The following LARP4 variants were observed in gnomAD, a reference collection of about 807,000 sequenced individuals.
The protein encoded by LARP4 is la-related protein 4.
LARP4 carries 29 observed loss-of-function variants against 92.9 expected under a neutral mutation model. The ratio of observed to expected loss-of-function variants is 0.31; its 90% confidence interval spans 0.23 to 0.43. LARP4 has a LOEUF of 0.43. Among genes scored for constraint, LARP4 ranks in the 20% least tolerant of loss-of-function variants. LARP4 has a pLI of 1.00. For synonymous variants in LARP4, 279 were observed against 284.1 expected, an observed-to-expected ratio of 0.98 and a Z score of 0.18; for missense variants, 732 against 860.0, an observed-to-expected ratio of 0.85 and a Z score of 1.86.
At chr12:50,454,289 T>C (rs527625862) in intron 9 of LARP4, 25 bp from the exon 10 acceptor site, 2 of 1,554,312 alleles carry the variant, frequency 1.3e-6, no homozygotes, top group Non-Finnish European at 1.8e-6. Flanking sequence ...CCATTAATAT[T>C]GTTTAAACAT....
At chr12:50,437,867 A>C (rs757173046) in intron 6 of LARP4, 29 bp downstream of exon 6, 2 of 1,352,836 alleles carry the variant, frequency 1.5e-6, no homozygotes, top group African/African-American at 1.4e-5. Flanking sequence ...TTAACACTAA[A>C]TGTTCTCTGT....
chr12:50,414,451 A>G (rs543757583), intron 1 of LARP4, among the ~76,000 whole-genome samples: 38 of 152,246 alleles, frequency 2.5e-4, no homozygotes, highest in Admixed American at 1.4e-3. Context: ...CTAGAGGTGC[A>G]TGTTACCATG....
At chr12:50,425,140 C>T (rs995238855) in intron 1 of LARP4, among the ~76,000 whole-genome samples, 7 of 152,072 alleles carry the variant, frequency 4.6e-5, no homozygotes, top group Non-Finnish European at 1.0e-4. Context: ...GAGCGAGACT[C>T]CGTCTCAAAA....
chr12:50,446,476 G>T (rs1273014752), intron 8 of LARP4, among the ~76,000 whole-genome samples: 1 of 132,420 alleles, frequency 7.6e-6, no homozygotes, highest in Non-Finnish European at 1.6e-5. Flanking sequence ...TATCCAGGCT[G>T]GAGTGCAGTG....
At chr12:50,474,557 C>T (rs1309909719) in intron 15 of LARP4, among the ~76,000 whole-genome samples, 1 of 152,048 alleles carries the variant, frequency 6.6e-6, no homozygotes, top group Non-Finnish European at 1.5e-5. Context: ...CTGTGTTAGC[C>T]AGGATGGTCT....
Position 50,479,892 on chromosome 12 carries a change from A to G in LARP4, c.*4028A>G, listed in dbSNP as rs1296812520. On this transcript the variant is annotated 3_prime_UTR_variant, in exon 16 of 16. Transcript: ENST00000398473. ...CCCAAAATTGGTGTGACACATGCTC[A>G]TGCATAAAATGTTAAAATGAGTACA... 2 of 152,704 alleles carry G rather than the reference A, an allele frequency of 1.3e-5. No homozygotes were observed. Among genetic ancestry groups the G allele is most frequent in the South Asian group, 2.1e-4 (1 of 4,822 alleles). 9.5% of individuals were successfully genotyped at this position (152,704 alleles called of 1,614,324 possible).
intron 10 of LARP4, among the ~76,000 whole-genome samples, chr12:50,460,882 G>A (rs1053326101): frequency 1.3e-5 from 2 of 150,408 alleles, no homozygotes; most frequent in Admixed American, 6.6e-5. Flanking sequence ...GGCAGAGCTT[G>A]CAGTGAGCTG....
intron 13 of LARP4, among the ~76,000 whole-genome samples, chr12:50,470,268 G>A (rs1365462833): frequency 6.6e-6 from 1 of 151,748 alleles, no homozygotes; most frequent in Non-Finnish European, 1.5e-5. Context: ...TAGTTTAAGT[G>A]CAGTATTTTT....
chr12:50,433,054 C>T (rs1396780824), intron 4 of LARP4, among the ~76,000 whole-genome samples: 1 of 151,928 alleles, frequency 6.6e-6, no homozygotes, highest in Non-Finnish European at 1.5e-5. Flanking sequence ...GTATTGGTGG[C>T]TCCCATAATT....
chr12:50,434,644 T>C (rs1037598644), intron 4 of LARP4, among the ~76,000 whole-genome samples: 1 of 151,252 alleles, frequency 6.6e-6, no homozygotes, highest in African/African-American at 2.4e-5. Context: ...TGACCTCTAA[T>C]GATCCACCCG....
chr12:50,472,710 C>A (rs1957061808), intron 13 of LARP4, among the ~76,000 whole-genome samples: 1 of 152,040 alleles, frequency 6.6e-6, no homozygotes, highest in African/African-American at 2.4e-5. Context: ...CTGGATCTTG[C>A]TATGTTGTCC....
intron 2 of LARP4, among the ~76,000 whole-genome samples, chr12:50,428,535 A>AT (rs1949161463): frequency 6.6e-6 from 1 of 152,148 alleles, no homozygotes; most frequent in African/African-American, 2.4e-5. Flanking sequence ...ATATTTATAA[A>AT]TTAGTTTTTA....
At position 50,453,320 on chromosome 12, in the gene LARP4, T is replaced by C. The variant is rs1402241890; in HGVS notation, c.805-140T>C. 9.3e-6 allele frequency: 5 copies of C among 536,890 alleles called. No individual in the cohort carries two copies. The African/African-American group carries it at 9.5e-5, about 10-fold the overall frequency. 33.3% of individuals were successfully genotyped at this position (536,890 alleles called of 1,614,324 possible). The stretch of plus-strand genomic sequence containing the variant: ...ATTTATTAATTAATTAAAGCTGTCA[T>C]TTTCTTTTCTTTTGCTCTACTGATT... On this transcript the variant is annotated intron_variant, in intron 8 of 15. Coordinates refer to ENST00000398473, the MANE Select transcript of LARP4 (RefSeq NM_052879.5).
At chr12:50,466,911 A>G (rs748190094) in intron 12 of LARP4, 48 bp from the exon 13 acceptor site, 2 of 1,551,634 alleles carry the variant, frequency 1.3e-6, no homozygotes, top group East Asian at 2.3e-5. Context: ...ACACAGGATT[A>G]GGGAATGAGA....
chr12:50,446,543 C>T (rs1227745400), intron 8 of LARP4, among the ~76,000 whole-genome samples: 1 of 148,476 alleles, frequency 6.7e-6, no homozygotes, highest in African/African-American at 2.5e-5. Context: ...ATTCTCCTGC[C>T]TCAGCCTCCC....
At position 50,435,518 on chromosome 12, in the gene LARP4, A is replaced by G. The variant is rs1224768549; in HGVS notation, c.429A>G (p.Ile143Met). 3 of 1,570,544 alleles carry G rather than the reference A, an allele frequency of 1.9e-6. No homozygotes were observed. The highest frequency in any genetic ancestry group is 2.6e-6 in the Non-Finnish European group (3 of 1,144,808). Residue 143 changes from isoleucine (I) to methionine (M), a missense_variant, in exon 5 of 16, where the codon ATA becomes ATG. Ile to Met is a conservative substitution (Grantham distance 10). Coordinates refer to ENST00000398473, the MANE Select transcript of LARP4 (RefSeq NM_052879.5). ...ATTTGTCAAAGGATCTTTACTTGAT[A>G]TCTCAAATGGATAGTGATCAGTTCA... is the stretch of plus-strand genomic sequence containing the variant. ...RENLSKDLYL[I>M]SQMDSDQFIP... is the part of the protein sequence containing the mutation.
At chr12:50,454,251 G>A in intron 9 of LARP4, 63 bp from the exon 10 acceptor site, 2 of 1,211,070 alleles carry the variant, frequency 1.7e-6, no homozygotes, top group Non-Finnish European at 2.4e-6. Flanking sequence ...TAAGGTTCTT[G>A]TGACCCTCAC....
chr12:50,453,717 G>A lies in LARP4; in HGVS notation c.1017+45G>A, dbSNP rs544772365. ...TAAAATATAATAATATTTTTAATTT[G>A]AGCTGAAATTTGAAGAAATCAGTTG... is the stretch of plus-strand genomic sequence containing the variant. On this transcript the variant is annotated intron_variant, in intron 9 of 15. Transcript: ENST00000398473. 8.5e-6 allele frequency: 11 copies of A among 1,290,334 alleles called. No homozygotes were observed. The African/African-American group carries it at 1.5e-4, about 18-fold the overall frequency. The allele number at this position is 1,290,334 out of a possible 1,614,324, so 79.9% of individuals were successfully genotyped here.
At chr12:50,450,857 A>G (rs1259459216) in intron 8 of LARP4, among the ~76,000 whole-genome samples, 1 of 152,110 alleles carries the variant, frequency 6.6e-6, no homozygotes, top group East Asian at 1.9e-4. Context: ...AAGTCACTTC[A>G]TAATGGTGTT....
Sources: allele counts gnomAD v4.1 joint callset (sites outside exome capture counted in the v4.1 genomes callset), GRCh38; gene constraint gnomAD v4.1.1; transcripts MANE v1.5; gene names NCBI Gene and HGNC (gene_info 2026-07-23, HGNC 2026-07-21).